POU6F1: variants seen among roughly 807,000 people sequenced by gnomAD.
The protein encoded by POU6F1 is POU class 6 homeobox 1.
Under a neutral mutation model 28.9 loss-of-function variants are expected in POU6F1, and 9 were observed. That is an observed-to-expected ratio of 0.31 (90% CI 0.19 to 0.54). The LOEUF (loss-of-function observed/expected upper bound fraction) is 0.54, where lower values mean the gene tolerates loss of function less well. Ranked by LOEUF, POU6F1 falls within the 20% of genes least tolerant of loss-of-function variation. The probability of loss-of-function intolerance (pLI) is 0.94; values close to 1 mark genes in which losing one functional copy is unlikely to be tolerated. For synonymous variants in POU6F1, 173 were observed against 171.1 expected, an observed-to-expected ratio of 1.01 and a Z score of -0.09; for missense variants, 338 against 426.1, an observed-to-expected ratio of 0.79 and a Z score of 1.82.
chr12:51,217,382 C>T lies in POU6F1; in HGVS notation c.-48+260G>A, dbSNP rs1043835965. ...CGCCCCCTCCGCTCCAGGTCCAGAG[C>T]GGCCCGCGGGCGGGCGAGGGCGCGG... On this transcript the variant is annotated intron_variant, in intron 1 of 10. Transcript: ENST00000333640. The surrounding 1 kb of genome is among the most constrained non-coding windows in gnomAD (Gnocchi z 5.3). 1.3e-5 allele frequency among the ~76,000 whole-genome samples: 2 copies of T among 152,014 alleles called. No individual in the cohort carries two copies. The highest frequency in any genetic ancestry group is 4.8e-5 in the African/African-American group (2 of 41,420).
At chr12:51,212,371 C>T (rs896699238) in intron 1 of POU6F1, among the ~76,000 whole-genome samples, 1 of 151,250 alleles carries the variant, frequency 6.6e-6, no homozygotes, top group Admixed American at 6.6e-5. Flanking sequence ...GGATTACAGG[C>T]ATGAGCCACT....
At chr12:51,214,543 A>G (rs1944189351) in intron 1 of POU6F1, among the ~76,000 whole-genome samples, 1 of 152,160 alleles carries the variant, frequency 6.6e-6, no homozygotes, top group South Asian at 2.1e-4. Flanking sequence ...CACACCCTGA[A>G]CCATGAGCAG....
In POU6F1 at chr12:51,189,784, T is replaced by C. The variant is rs1411736187; in HGVS notation, c.*463A>G. 1 of 174,978 alleles carries C rather than the reference T, an allele frequency of 5.7e-6. No homozygotes were observed. Among genetic ancestry groups the C allele is most frequent in the African/African-American group, 2.4e-5 (1 of 42,186 alleles). 10.8% of individuals were successfully genotyped at this position (174,978 alleles called of 1,614,324 possible). ...GCGGAAGGGCAGTGTGAGGCTGTGT[T>C]TCCACTGGATGAGTTGTCATACCTG... On this transcript the variant is annotated 3_prime_UTR_variant, in exon 11 of 11. Transcript: ENST00000333640.
chr12:51,191,652 C>G lies in POU6F1; in HGVS notation c.1434G>C (p.Val478=). The G allele has an allele frequency of 6.2e-7, 1 of 1,614,178 alleles. No individual in the cohort carries two copies. Among genetic ancestry groups the G allele is most frequent in the Non-Finnish European group, 8.5e-7 (1 of 1,180,046 alleles). The change falls in exon 10 of 11, where the codon GTG becomes GTC. Residue 478 remains valine (V), a synonymous_variant. Coordinates refer to ENST00000333640, the MANE Select transcript of POU6F1 (RefSeq NM_001330422.2). ...RLSLGLTQTQ[V]GQALTATEGP... ...CTTCCGTTGCAGTCAGAGCCTGACC[C>G]ACCTGGGTCTGTGTAAGGCCCAGCG...
intron 1 of POU6F1, among the ~76,000 whole-genome samples, chr12:51,209,880 G>A (rs1332182350): frequency 6.6e-6 from 1 of 152,174 alleles, no homozygotes; most frequent in African/African-American, 2.4e-5. Context: ...AGGGGCAGAG[G>A]AATTTGCTGA....
At chr12:51,206,766 C>T (rs1338388811) in intron 2 of POU6F1, 23 bp downstream of exon 2, 2 of 398,724 alleles carry the variant, frequency 5.0e-6, no homozygotes, top group African/African-American at 2.1e-5. Context: ...CCTTACCCCC[C>T]CACTTCCCAC....
intron 1 of POU6F1, among the ~76,000 whole-genome samples, chr12:51,211,426 T>C (rs1428443301): frequency 6.6e-6 from 1 of 152,184 alleles, no homozygotes; most frequent in African/African-American, 2.4e-5. Flanking sequence ...CACTTATCCC[T>C]TGCTTTCCTT....
rs766065331 is a variant in POU6F1, at chr12:51,196,093, G to A, written c.1056C>T (p.Ala352=). 15 of 1,602,570 alleles carry A rather than the reference G, an allele frequency of 9.4e-6. No individual in the cohort carries two copies. The highest frequency in any genetic ancestry group is 3.4e-5 in the South Asian group (3 of 89,222). Residue 352 remains alanine, a synonymous_variant, in exon 8 of 11, where the codon GCC becomes GCT. Coordinates refer to ENST00000333640, the MANE Select transcript of POU6F1 (RefSeq NM_001330422.2). ...PAPAQSLQVQ[A]VTPQLLLNAQ... is the part of the protein sequence containing the mutation. ...CGTTCAACAACAGCTGGGGGGTCAC[G>A]GCCTGGACCTGCAGGCTTTGGGCTG...
intron 1 of POU6F1, among the ~76,000 whole-genome samples, chr12:51,209,153 A>G (rs901287993): frequency 8.5e-5 from 13 of 152,192 alleles, no homozygotes; most frequent in Non-Finnish European, 1.6e-4. Flanking sequence ...CCATACAATT[A>G]ACCATTTTAG....
At position 51,188,081 on chromosome 12, in the gene POU6F1, C is replaced by T. The variant is rs993092128; in HGVS notation, c.*2166G>A. Reference sequence around the variant, plus strand: ...TAGCTGGGATTACAGATGTGCACTACCACACCTGGCTAATTTTTGTATTTT... The same window carrying T: ...TAGCTGGGATTACAGATGTGCACTATCACACCTGGCTAATTTTTGTATTTT... On this transcript the variant is annotated 3_prime_UTR_variant, in exon 11 of 11. Coordinates refer to ENST00000333640, the MANE Select transcript of POU6F1 (RefSeq NM_001330422.2). 1 of 152,052 alleles carries T rather than the reference C, an allele frequency of 6.6e-6. No individual in the cohort carries two copies. Among genetic ancestry groups the T allele is most frequent in the East Asian group, 1.9e-4 (1 of 5,178 alleles). 9.4% of individuals were successfully genotyped at this position (152,052 alleles called of 1,614,324 possible).
At chr12:51,198,275 C>G in intron 5 of POU6F1, 1 of 396,106 alleles carries the variant, frequency 2.5e-6, no homozygotes, top group Admixed American at 4.4e-5. Context: ...TCCCAGGAGG[C>G]CGGTCATGGG....
At chr12:51,193,827 A>G (rs1423776164) in intron 8 of POU6F1, among the ~76,000 whole-genome samples, 2 of 152,310 alleles carry the variant, frequency 1.3e-5, no homozygotes, top group African/African-American at 4.8e-5. Context: ...AGTATTTGGT[A>G]TGATTAAAAA....
intron 1 of POU6F1, among the ~76,000 whole-genome samples, chr12:51,212,386 C>A (rs533724398): frequency 6.6e-4 from 100 of 152,038 alleles, no homozygotes; most frequent in African/African-American, 2.3e-3. Flanking sequence ...GCCACTGCGC[C>A]CAGCCAAACC....
chr12:51,214,789 C>T (rs1331294833), intron 1 of POU6F1, among the ~76,000 whole-genome samples: 2 of 151,624 alleles, frequency 1.3e-5, no homozygotes, highest in Non-Finnish European at 2.9e-5. Flanking sequence ...ACATAACAAA[C>T]CCAAACAAAC....
intron 9 of POU6F1, 58 bp downstream of exon 9, chr12:51,192,272 G>T: frequency 6.3e-7 from 1 of 1,583,382 alleles, no homozygotes; most frequent in South Asian, 1.1e-5. Flanking sequence ...TGAAGAGATT[G>T]GGTGCCCACA....
At chr12:51,206,109 G>A (rs1230962930) in intron 2 of POU6F1, among the ~76,000 whole-genome samples, 1 of 146,590 alleles carries the variant, frequency 6.8e-6, no homozygotes, top group Admixed American at 6.8e-5. Context: ...GTGAGCCACC[G>A]TGCCTGGCCT....
At chr12:51,213,985 A>T (rs1418823978) in intron 1 of POU6F1, among the ~76,000 whole-genome samples, 1 of 151,668 alleles carries the variant, frequency 6.6e-6, no homozygotes, top group Non-Finnish European at 1.5e-5. Flanking sequence ...TCTACTAAAA[A>T]TACAAAACTT....
rs777397038 is a variant in POU6F1 at position 51,190,342 on chromosome 12, G to A, written c.1741C>T (p.Leu581Phe). 2 of 1,614,074 alleles carry A rather than the reference G, an allele frequency of 1.2e-6. No homozygotes were observed. Among genetic ancestry groups the A allele is most frequent in the African/African-American group, 1.3e-5 (1 of 74,922 alleles). Residue 581 changes from leucine to phenylalanine, a missense_variant, in exon 11 of 11, where the codon CTC becomes TTC. Around this residue, in one of 3 missense-constraint regions of POU6F1, gnomAD observed 126 missense variants for 176.5 expected, o/e 0.71. Coordinates refer to ENST00000333640, the MANE Select transcript of POU6F1 (RefSeq NM_001330422.2). This position sits in a 1 kb window ranked among gnomAD's most constrained non-coding sequence, Gnocchi z 4.5. ...GQEITEIAKE[L>F]NYDREVVRVW... Reference sequence around the variant, plus strand: ...CGCACTACCTCACGGTCGTAGTTGAGCTCCTTAGCAATTTCAGTGATCTCC... The same window carrying A: ...CGCACTACCTCACGGTCGTAGTTGAACTCCTTAGCAATTTCAGTGATCTCC...
chr12:51,203,161 T>C (rs1016010810), intron 3 of POU6F1, among the ~76,000 whole-genome samples: 6 of 152,024 alleles, frequency 3.9e-5, no homozygotes, highest in Admixed American at 3.9e-4. Flanking sequence ...ACGAAAACCA[T>C]TGATTTAAGA....
Sources: allele counts gnomAD v4.1 joint callset (sites outside exome capture counted in the v4.1 genomes callset), GRCh38; gene constraint gnomAD v4.1.1; regional missense constraint gnomAD v4.1.1; non-coding constraint Gnocchi (gnomAD v3.1); transcripts MANE v1.5; gene names NCBI Gene and HGNC (gene_info 2026-07-23, HGNC 2026-07-21).